PIN4: variants seen among roughly 807,000 people sequenced by gnomAD.
PIN4 encodes the protein peptidylprolyl cis/trans isomerase, NIMA-interacting 4, also known as peptidyl-prolyl cis-trans isomerase NIMA-interacting 4.
PIN4 carries 3 observed loss-of-function variants against 8.3 expected under a neutral mutation model. That is an observed-to-expected ratio of 0.36 (90% CI 0.16 to 0.93). The LOEUF (loss-of-function observed/expected upper bound fraction) is 0.93, where lower values mean the gene tolerates loss of function less well. PIN4 is among the 40% of genes least tolerant of loss of function. The pLI is 0.44. For synonymous variants in PIN4, 18 were observed against 32.5 expected (o/e 0.55, Z 1.52); for missense variants, 75 against 100.6 (o/e 0.75, Z 1.09).
At chrX:72,256,352 G>A (rs1185278049) in intron 3 of PIN4, among the ~76,000 whole-genome samples, 1 of 112,003 alleles carries the variant, frequency 8.9e-6, no homozygotes, top group Admixed American at 9.5e-5. Flanking sequence ...TATGCAGGCT[G>A]AGAACAAGTT....
chrX:72,197,800 A>C lies in PIN4; in HGVS notation c.*274A>C. On this transcript the variant is annotated 3_prime_UTR_variant, in exon 4 of 4. Coordinates refer to ENST00000373669, the MANE Select transcript of PIN4 (RefSeq NM_006223.4). Reference sequence around the variant, plus strand: ...AACCTGTATTCTCTTTCCTCCCAGAACTATATCTGACTCTCAGTCTGTCCC... The same window carrying C: ...AACCTGTATTCTCTTTCCTCCCAGACCTATATCTGACTCTCAGTCTGTCCC... The C allele has an allele frequency of 1.2e-6, 1 of 812,231 alleles. No homozygotes were observed. The highest frequency in any genetic ancestry group is 8.2e-5 in the East Asian group (1 of 12,175). 66.9% of individuals were successfully genotyped at this position (812,231 alleles called of 1,213,427 possible).
intron 3 of PIN4, among the ~76,000 whole-genome samples, chrX:72,210,451 C>T (rs772356163): frequency 6.3e-5 from 7 of 111,029 alleles, no homozygotes; most frequent in Admixed American, 1.9e-4. Context: ...CTTTGGAAAG[C>T]GGTCTTGATC....
intron 3 of PIN4, chrX:72,262,572 A>ACAG: frequency 2.5e-6 from 1 of 395,104 alleles, no homozygotes; most frequent in Non-Finnish European, 4.4e-6. Flanking sequence ...ATGATCAGAC[A>ACAG]CAATAAATGT....
At chrX:72,251,376 T>A (rs199972154) in intron 3 of PIN4, among the ~76,000 whole-genome samples, 5,845 of 66,166 alleles carry the variant, frequency 0.088, 454 homozygotes, top group East Asian at 0.62. Flanking sequence ...AAAAAAAAAA[T>A]ATGTGTGAGT....
intron 3 of PIN4, chrX:72,238,925 G>T: frequency 8.5e-7 from 1 of 1,182,638 alleles, no homozygotes; most frequent in East Asian, 3.1e-5. Context: ...CCTCGGATTG[G>T]GTTCCAGTTA....
intron 3 of PIN4, chrX:72,262,648 T>C: frequency 2.5e-6 from 2 of 810,694 alleles, no homozygotes; most frequent in Non-Finnish European, 3.5e-6. Flanking sequence ...TTATACAGCA[T>C]TATCTCTAGC....
chrX:72,233,721 C>A (rs200611537), intron 3 of PIN4, among the ~76,000 whole-genome samples: 8 of 89,651 alleles, frequency 8.9e-5, no homozygotes, highest in East Asian at 4.4e-4. Flanking sequence ...GACTCCGTCT[C>A]AAAAAAAAAA....
At chrX:72,241,966 T>C (rs999962207) in intron 3 of PIN4, among the ~76,000 whole-genome samples, 15 of 111,384 alleles carry the variant, frequency 1.3e-4, no homozygotes, top group Admixed American at 2.9e-4. Flanking sequence ...TAGGAGAGAA[T>C]TCTGCAGAAA....
intron 3 of PIN4, among the ~76,000 whole-genome samples, chrX:72,250,972 A>G (rs1374139651): frequency 9.3e-6 from 1 of 107,361 alleles, no homozygotes; most frequent in Admixed American, 9.8e-5. Context: ...ACTCCTGACC[A>G]CAGGTGATCC....
At chrX:72,254,309 A>C (rs2043100231) in intron 3 of PIN4, among the ~76,000 whole-genome samples, 1 of 111,648 alleles carries the variant, frequency 9.0e-6, no homozygotes, top group African/African-American at 3.3e-5. Flanking sequence ...GCTCCTTCTT[A>C]TCATTCAGAA....
intron 3 of PIN4, chrX:72,238,943 G>GGGAGTCT: frequency 8.9e-7 from 1 of 1,124,329 alleles, no homozygotes; most frequent in African/African-American, 1.8e-5. Context: ...TTACCCCGGC[G>GGGAGTCT]GGAGTTTGGA....
At chrX:72,203,186 G>A (rs2042797477), downstream of PIN4, among the ~76,000 whole-genome samples, 1 of 112,166 alleles carries the variant, frequency 8.9e-6, no homozygotes, top group South Asian at 3.7e-4. Flanking sequence ...AAAATGTTGG[G>A]AGGGTGGTGT....
At chrX:72,242,140 C>T (rs1411814472) in intron 3 of PIN4, among the ~76,000 whole-genome samples, 1 of 111,667 alleles carries the variant, frequency 9.0e-6, no homozygotes, top group African/African-American at 3.3e-5. Flanking sequence ...TAGGCATGCC[C>T]CATTGTGGGC....
intron 3 of PIN4, among the ~76,000 whole-genome samples, chrX:72,254,191 G>A (rs1478863416): frequency 9.0e-6 from 1 of 110,992 alleles, no homozygotes; most frequent in African/African-American, 3.3e-5. Context: ...CAGGCACATT[G>A]GCCTTCTTTC....
chrX:72,195,631 ACT>A (rs1475299676), intron 2 of PIN4, among the ~76,000 whole-genome samples: 1 of 109,371 alleles, frequency 9.1e-6, no homozygotes, highest in Non-Finnish European at 1.9e-5. Flanking sequence ...ACAGACGGAG[ACT>A]CTGTCTCAAA....
chrX:72,232,088 A>G (rs1243685729), intron 3 of PIN4, among the ~76,000 whole-genome samples: 1 of 109,895 alleles, frequency 9.1e-6, no homozygotes, highest in Non-Finnish European at 1.9e-5. Context: ...CTAAAAAAAC[A>G]GAAATAAAAC....
At position 72,187,515 on chromosome X, in the gene PIN4, T is replaced by G. The variant is rs952894285; in HGVS notation, c.117+981T>G. Among the ~76,000 whole-genome samples, 19 of 111,905 alleles carry G rather than the reference T, an allele frequency of 1.7e-4. No individual in the cohort carries two copies. In the East Asian group the frequency reaches 5.3e-3, roughly 31 times the overall value. On this transcript the variant is annotated intron_variant, in intron 2 of 3. Coordinates refer to ENST00000373669, the MANE Select transcript of PIN4 (RefSeq NM_006223.4). ...ATTTATTTAATAAAAAAGTAAGAGA[T>G]GGGCCAGGCACAATGGTTCATTCCT... is the stretch of plus-strand genomic sequence containing the variant.
intron 3 of PIN4, among the ~76,000 whole-genome samples, chrX:72,221,290 C>A (rs1307990712): frequency 8.9e-6 from 1 of 112,140 alleles, no homozygotes; most frequent in Non-Finnish European, 1.9e-5. Flanking sequence ...AAGATCTGCC[C>A]TCCTCTGGCT....
At chrX:72,183,820 G>C (rs1156254185) in intron 1 of PIN4, among the ~76,000 whole-genome samples, 1 of 111,647 alleles carries the variant, frequency 9.0e-6, no homozygotes, top group Non-Finnish European at 1.9e-5. Context: ...GTACAGAAGA[G>C]TGAGATTTAG....
Sources: allele counts gnomAD v4.1 joint callset (sites outside exome capture counted in the v4.1 genomes callset), GRCh38; gene constraint gnomAD v4.1.1; transcripts MANE v1.5; gene names NCBI Gene and HGNC (gene_info 2026-07-23, HGNC 2026-07-21).